Variants in CSMD1 observed in about 807,000 individuals in gnomAD.
CSMD1 encodes the protein CUB and sushi domain-containing protein 1.
A neutral mutation model predicts 417.5 loss-of-function variants in CSMD1; 213 were observed. That is an observed-to-expected ratio of 0.51 (90% confidence interval 0.46 to 0.57). The LOEUF is 0.57. Among genes scored for constraint, CSMD1 ranks in the 20% least tolerant of loss-of-function variants. The pLI is 0.00. For missense variants in CSMD1, 6,923 were observed against 4,529.7 expected (o/e 1.53, Z -15.17); for synonymous variants, 2,862 against 1,736.8 (o/e 1.65, Z -16.11).
intron 3 of CSMD1, among the ~76,000 whole-genome samples, chr8:4,272,276 C>G (rs1400482533): frequency 2.6e-5 from 4 of 152,102 alleles, no homozygotes; most frequent in African/African-American, 9.7e-5. Context: ...TTTAAGAAAA[C>G]TTATAAATAG....
intron 3 of CSMD1, among the ~76,000 whole-genome samples, chr8:4,303,419 GCTGTTTTTTTTTT>G: frequency 1.9e-5 from 2 of 105,840 alleles, no homozygotes; most frequent in East Asian, 3.1e-4. Context: ...TGGGCAGGAA[GCTGTTTTTTTTTT>G]TTTTTTTTTT....
chr8:4,991,619 C>T (rs1811469381), intron 1 of CSMD1, among the ~76,000 whole-genome samples: 1 of 152,160 alleles, frequency 6.6e-6, no homozygotes, highest in Non-Finnish European at 1.5e-5. Context: ...CCCGGGAAAG[C>T]CCTGCTGCTT....
intron 1 of CSMD1, among the ~76,000 whole-genome samples, chr8:4,830,440 C>G (rs1009175819): frequency 1.3e-5 from 2 of 152,116 alleles, no homozygotes; most frequent in Non-Finnish European, 2.9e-5. Flanking sequence ...GAACACTTAC[C>G]GTTTCAGATA....
chr8:4,862,882 G>A (rs1038625728), intron 1 of CSMD1, among the ~76,000 whole-genome samples: 1 of 152,026 alleles, frequency 6.6e-6, no homozygotes, highest in Admixed American at 6.5e-5. Flanking sequence ...AGGAACATGA[G>A]GAAGGACTGG....
intron 3 of CSMD1, among the ~76,000 whole-genome samples, chr8:4,212,330 G>A (rs1249548118): frequency 2.0e-5 from 3 of 151,878 alleles, no homozygotes; most frequent in African/African-American, 7.3e-5. Context: ...GTATCTACAG[G>A]TAACTTGAAG....
intron 3 of CSMD1, among the ~76,000 whole-genome samples, chr8:4,345,718 G>C (rs539635692): frequency 6.6e-6 from 1 of 152,060 alleles, no homozygotes; most frequent in Non-Finnish European, 1.5e-5. Flanking sequence ...TCAACGTCAT[G>C]AATTATCAAG....
rs11292179 is a variant in CSMD1 at position 3,462,122 on chromosome 8, G to GC, written c.1561+6589dup. ...TTTGGGTGCTCTCTTCAGAATCCAGGCCCCCCCCCCCACCTCCCAGCTGCT... is the reference window on the plus strand; with the variant it reads ...TTTGGGTGCTCTCTTCAGAATCCAGGCCCCCCCCCCCCACCTCCCAGCTGCT... On this transcript the variant is annotated intron_variant, in intron 12 of 69. Coordinates refer to ENST00000635120, the MANE Select transcript of CSMD1 (RefSeq NM_033225.6). 8.8e-3 allele frequency among the ~76,000 whole-genome samples: 1,322 copies of GC among 149,468 alleles called. 10 individuals are homozygous for GC. Among genetic ancestry groups the GC allele is most frequent in the Admixed American group, 0.014 (215 of 15,020 alleles).
chr8:4,948,344 A>G (rs972882336), intron 1 of CSMD1, among the ~76,000 whole-genome samples: 3 of 152,016 alleles, frequency 2.0e-5, no homozygotes, highest in Non-Finnish European at 2.9e-5. Flanking sequence ...AATTCAAAAT[A>G]TTTGCACATT....
chr8:4,476,278 C>T (rs552191954), intron 2 of CSMD1, among the ~76,000 whole-genome samples: 1 of 152,024 alleles, frequency 6.6e-6, no homozygotes, highest in Admixed American at 6.5e-5. Context: ...ATGATAGAGA[C>T]CGGATGTTTA....
intron 10 of CSMD1, among the ~76,000 whole-genome samples, chr8:3,574,465 T>G (rs187984782): frequency 6.6e-6 from 1 of 152,242 alleles, no homozygotes; most frequent in Non-Finnish European, 1.5e-5. Context: ...AGACTGGTTT[T>G]AGAACTCCTG....
intron 1 of CSMD1, among the ~76,000 whole-genome samples, chr8:4,768,841 G>T (rs1796457404): frequency 6.6e-6 from 1 of 152,138 alleles, no homozygotes; most frequent in Non-Finnish European, 1.5e-5. Context: ...TATTCATATG[G>T]GAAGGGGAGG....
chr8:3,846,424 C>T (rs540187837), intron 5 of CSMD1, among the ~76,000 whole-genome samples: 14 of 152,154 alleles, frequency 9.2e-5, no homozygotes, highest in African/African-American at 3.4e-4. Flanking sequence ...TTTTGATTAG[C>T]CCCAACTGAT....
At chr8:3,358,267 A>T (rs1269392314) in intron 21 of CSMD1, among the ~76,000 whole-genome samples, 1 of 152,146 alleles carries the variant, frequency 6.6e-6, no homozygotes, top group Non-Finnish European at 1.5e-5. Context: ...AACCTTGGTT[A>T]ATCTCTCATC....
intron 7 of CSMD1, among the ~76,000 whole-genome samples, chr8:3,621,551 T>C (rs140869256): frequency 6.6e-6 from 1 of 152,234 alleles, no homozygotes; most frequent in Non-Finnish European, 1.5e-5. Context: ...CATCAATATA[T>C]TTAAAGCCAC....
chr8:3,292,166 G>C (rs767188385), intron 25 of CSMD1, among the ~76,000 whole-genome samples: 1 of 152,132 alleles, frequency 6.6e-6, no homozygotes, highest in African/African-American at 2.4e-5. Context: ...TTGAGTTCTA[G>C]TTTGATTGCA....
intron 5 of CSMD1, among the ~76,000 whole-genome samples, chr8:3,866,444 G>A (rs952018433): frequency 1.3e-5 from 2 of 152,250 alleles, no homozygotes; most frequent in South Asian, 4.1e-4. Context: ...TACCTGATAT[G>A]TTTAAATAGT....
chr8:4,288,817 C>T (rs146255579), intron 3 of CSMD1, among the ~76,000 whole-genome samples: 1 of 152,128 alleles, frequency 6.6e-6, no homozygotes, highest in African/African-American at 2.4e-5. Flanking sequence ...AAAATCAAGT[C>T]CCATTACGTC....
intron 3 of CSMD1, among the ~76,000 whole-genome samples, chr8:4,416,348 T>G (rs191074255): frequency 9.3e-4 from 141 of 152,230 alleles, no homozygotes; most frequent in African/African-American, 3.3e-3. Context: ...CCTAAATTAT[T>G]GCATATAATT....
At chr8:3,537,256 G>A (rs945808936) in intron 10 of CSMD1, among the ~76,000 whole-genome samples, 7 of 152,122 alleles carry the variant, frequency 4.6e-5, no homozygotes, top group African/African-American at 1.7e-4. Context: ...ACCTGCCTTG[G>A]CCTCCCAAAG....
Sources: gnomAD v4.1 joint callset for allele counts (sites outside exome capture counted in the v4.1 genomes callset) on GRCh38, gnomAD v4.1.1 for gene constraint, MANE v1.5 for transcripts, NCBI Gene and HGNC (gene_info 2026-07-23, HGNC 2026-07-21) for gene names.